The following XKR6 variants were observed in gnomAD, a reference collection of about 807,000 sequenced individuals.
XKR6 encodes the protein XK related 6.
XKR6 carries 22 observed loss-of-function variants against 56.7 expected under a neutral mutation model. The ratio of observed to expected loss-of-function variants is 0.39; its 90% CI spans 0.28 to 0.55. The LOEUF is 0.55. Ranked by LOEUF, XKR6 falls within the 20% of genes least tolerant of loss-of-function variation. XKR6 has a pLI of 0.66. For synonymous variants in XKR6, 524 were observed against 387.8 expected (o/e 1.35, Z -4.13); for missense variants, 852 against 889.0 (o/e 0.96, Z 0.53).
At chr8:11,077,856 T>G (rs4545055) in intron 1 of XKR6, among the ~76,000 whole-genome samples, 3 of 151,538 alleles carry the variant, frequency 2.0e-5, no homozygotes, top group African/African-American at 7.3e-5. Context: ...GACCCTGGCA[T>G]GATCATCAGA....
At chr8:10,916,528 G>A (rs1420997125) in intron 2 of XKR6, among the ~76,000 whole-genome samples, 1 of 152,202 alleles carries the variant, frequency 6.6e-6, no homozygotes, top group Non-Finnish European at 1.5e-5. Flanking sequence ...ACTGGGGAGA[G>A]GAAAGAGAGG....
intron 1 of XKR6, among the ~76,000 whole-genome samples, chr8:11,160,008 G>C (rs1034182123): frequency 6.6e-6 from 1 of 152,098 alleles, no homozygotes; most frequent in Non-Finnish European, 1.5e-5. Context: ...CTACCTATAG[G>C]AGCTGCTGAT....
intron 1 of XKR6, among the ~76,000 whole-genome samples, chr8:10,960,870 G>A (rs2129130463): frequency 1.3e-5 from 2 of 152,238 alleles, no homozygotes. Flanking sequence ...ATTCCAGTGG[G>A]GACTGAGAGA....
At chr8:11,060,495 G>T (rs182074369) in intron 1 of XKR6, among the ~76,000 whole-genome samples, 1 of 152,196 alleles carries the variant, frequency 6.6e-6, no homozygotes, top group Non-Finnish European at 1.5e-5. Context: ...GACAGTTGTG[G>T]GAGACCCTGA....
intron 1 of XKR6, among the ~76,000 whole-genome samples, chr8:11,058,505 C>A (rs150560271): frequency 0.014 from 2,175 of 152,190 alleles, 20 homozygotes; most frequent in African/African-American, 0.036. Flanking sequence ...TACTATGCAG[C>A]CATAAAAAAG....
chr8:11,184,388 T>TACAC (rs6150466), intron 1 of XKR6, among the ~76,000 whole-genome samples: 1,705 of 146,228 alleles, frequency 0.012, 26 homozygotes, highest in African/African-American at 0.026. Flanking sequence ...TATACACACA[T>TACAC]ACACACACAC....
intron 1 of XKR6, among the ~76,000 whole-genome samples, chr8:11,003,980 C>G (rs6601547): frequency 0.97 from 147,087 of 152,202 alleles, 71,372 homozygotes; most frequent in African/African-American, 1. Context: ...CAGAGAGTGG[C>G]GAAGGAAGGG....
intron 1 of XKR6, among the ~76,000 whole-genome samples, chr8:11,133,353 C>G (rs1800213606): frequency 6.6e-6 from 1 of 152,088 alleles, no homozygotes; most frequent in African/African-American, 2.4e-5. Context: ...GTTCCTCTGT[C>G]ATGATTAGGG....
At chr8:11,092,974 A>G (rs749760297) in intron 1 of XKR6, among the ~76,000 whole-genome samples, 19 of 151,908 alleles carry the variant, frequency 1.3e-4, no homozygotes, top group Non-Finnish European at 2.5e-4. Flanking sequence ...TTGACTACCC[A>G]CAGTCGCCAA....
chr8:10,944,637 A>G (rs35077714), intron 1 of XKR6, among the ~76,000 whole-genome samples: 24,550 of 152,146 alleles, frequency 0.16, 2,893 homozygotes, highest in African/African-American at 0.33. Flanking sequence ...TCTGGTTCAT[A>G]GGCTCTGAGT....
intron 1 of XKR6, chr8:11,129,146 G>T (rs1206683741): frequency 5.6e-6 from 2 of 359,640 alleles, no homozygotes; most frequent in African/African-American, 4.3e-5. Context: ...AGTTTCTTTT[G>T]GAGTGATGAA....
At chr8:10,959,152 G>A (rs996598551) in intron 1 of XKR6, among the ~76,000 whole-genome samples, 6 of 152,178 alleles carry the variant, frequency 3.9e-5, no homozygotes, top group Admixed American at 3.3e-4. Context: ...GACAGTTCAC[G>A]CGGCTTTCAC....
intron 1 of XKR6, among the ~76,000 whole-genome samples, chr8:11,164,299 G>A (rs1016848593): frequency 6.6e-6 from 1 of 152,210 alleles, no homozygotes; most frequent in African/African-American, 2.4e-5. Flanking sequence ...CTAGGAACGA[G>A]GTCAATTACT....
intron 1 of XKR6, among the ~76,000 whole-genome samples, chr8:11,141,094 G>T (rs1333656175): frequency 6.6e-6 from 1 of 152,140 alleles, no homozygotes; most frequent in African/African-American, 2.4e-5. Context: ...AGTCGACATG[G>T]TACAACAATT....
At chr8:10,962,911 T>C (rs1802105655) in intron 1 of XKR6, among the ~76,000 whole-genome samples, 1 of 152,134 alleles carries the variant, frequency 6.6e-6, no homozygotes, top group Admixed American at 6.6e-5. Context: ...GCATGAGCCA[T>C]CGCACCTGGA....
chr8:11,039,920 A>C (rs531388584), intron 1 of XKR6, among the ~76,000 whole-genome samples: 1 of 152,348 alleles, frequency 6.6e-6, no homozygotes, highest in Admixed American at 6.5e-5. Flanking sequence ...CTTCCTGTCC[A>C]TGCCTTAAAA....
At chr8:11,181,186 G>T (rs994856724) in intron 1 of XKR6, among the ~76,000 whole-genome samples, 1 of 152,186 alleles carries the variant, frequency 6.6e-6, no homozygotes, top group Admixed American at 6.5e-5. Flanking sequence ...TTAAAGGGTT[G>T]TTGTATAAAC....
At chr8:11,177,030 G>C (rs1221418090) in intron 1 of XKR6, among the ~76,000 whole-genome samples, 1 of 152,178 alleles carries the variant, frequency 6.6e-6, no homozygotes, top group East Asian at 1.9e-4. Context: ...TAGGGAGGTA[G>C]AGTGTCCACT....
At chr8:11,131,492 G>A (rs1733507629) in intron 1 of XKR6, among the ~76,000 whole-genome samples, 1 of 152,064 alleles carries the variant, frequency 6.6e-6, no homozygotes, top group Non-Finnish European at 1.5e-5. Context: ...TGTAAATAAA[G>A]CTAACGTTTT....
Sources: gnomAD v4.1 joint callset for allele counts (sites outside exome capture counted in the v4.1 genomes callset) on GRCh38, gnomAD v4.1.1 for gene constraint, MANE v1.5 for transcripts, NCBI Gene and HGNC (gene_info 2026-07-23, HGNC 2026-07-21) for gene names.